The following MEGF9 variants were observed in gnomAD, a reference collection of about 807,000 sequenced individuals.
The protein encoded by MEGF9 is multiple epidermal growth factor-like domains protein 9.
MEGF9 carries 6 observed loss-of-function variants against 46.8 expected under a neutral mutation model. That is an observed-to-expected ratio of 0.13 (90% CI 0.07 to 0.25). The LOEUF (loss-of-function observed/expected upper bound fraction) is 0.25. MEGF9 is among the 10% of genes least tolerant of loss of function. The probability of loss-of-function intolerance (pLI) is 1.00; values close to 1 mark genes in which losing one functional copy is unlikely to be tolerated. For missense variants in MEGF9, 683 were observed against 792.4 expected, an observed-to-expected ratio of 0.86 and a Z score of 1.66; for synonymous variants, 302 against 330.7, an observed-to-expected ratio of 0.91 and a Z score of 0.94.
intron 1 of MEGF9, among the ~76,000 whole-genome samples, chr9:120,687,670 C>CTGTGTG (rs71385077): frequency 0.05 from 7,072 of 141,974 alleles, 204 homozygotes; most frequent in East Asian, 0.08. Flanking sequence ...GAACACAACA[C>CTGTGTG]TGTGTGTGTG....
chr9:120,632,257 A>C (rs2043553774), intron 2 of MEGF9, among the ~76,000 whole-genome samples: 1 of 151,944 alleles, frequency 6.6e-6, no homozygotes. Flanking sequence ...TAAATGTCCT[A>C]ATCAATTTCC....
At chr9:120,610,550 C>G (rs2043440185) in intron 4 of MEGF9, among the ~76,000 whole-genome samples, 1 of 152,196 alleles carries the variant, frequency 6.6e-6, no homozygotes, top group South Asian at 2.1e-4. Context: ...GTCCTTCCTT[C>G]TCCTGTCTAC....
Position 120,602,035 on chromosome 9 carries a change from A to T in MEGF9, c.*3155T>A, listed in dbSNP as rs1281663889. 3 of 152,000 alleles carry T rather than the reference A, an allele frequency of 2.0e-5. No homozygotes were observed. Among genetic ancestry groups the T allele is most frequent in the Non-Finnish European group, 4.4e-5 (3 of 68,010 alleles). 9.4% of individuals were successfully genotyped at this position (152,000 alleles called of 1,614,324 possible). On this transcript the variant is annotated 3_prime_UTR_variant, in exon 6 of 6. Coordinates refer to ENST00000373930, the MANE Select transcript of MEGF9 (RefSeq NM_001080497.3). ...TTTTTCTTCCTTTTTTTTGAGACAGAGTCTTGCTCTGTCGCCCAGGCTGGA... is the reference window on the plus strand; with the variant it reads ...TTTTTCTTCCTTTTTTTTGAGACAGTGTCTTGCTCTGTCGCCCAGGCTGGA...
chr9:120,619,355 A>G (rs1231635553), intron 3 of MEGF9, among the ~76,000 whole-genome samples: 1 of 152,212 alleles, frequency 6.6e-6, no homozygotes, highest in African/African-American at 2.4e-5. Context: ...TTCAGAAAAA[A>G]CAAAACAAAA....
At chr9:120,701,788 T>C (rs958263580) in intron 1 of MEGF9, among the ~76,000 whole-genome samples, 4 of 152,220 alleles carry the variant, frequency 2.6e-5, no homozygotes, top group African/African-American at 9.6e-5. Context: ...CTCACGCCTG[T>C]AATCCTAGCA....
rs773584711 is a variant in MEGF9 at position 120,713,870 on chromosome 9, G to A, written c.489C>T (p.Thr163=). The A allele has an allele frequency of 1.5e-6, 2 of 1,303,336 alleles. No individual in the cohort carries two copies. The highest frequency in any genetic ancestry group is 3.0e-5 in the Admixed American group (1 of 32,808). 80.7% of individuals were successfully genotyped at this position (1,303,336 alleles called of 1,614,324 possible). Residue 163 remains threonine, a synonymous_variant, in exon 1 of 6, where the codon ACC becomes ACT. Coordinates refer to ENST00000373930, the MANE Select transcript of MEGF9 (RefSeq NM_001080497.3). ...TCCGGGGAGTCGTGGGCGCCGGTAC[G>A]GTGGTCGCTACAGGGGTGGTCGGCG... The part of the protein sequence containing the change: ...GPAPTTPVAT[T]VPAPTTPRTP...
chr9:120,630,479 A>C (rs180895558), intron 2 of MEGF9, among the ~76,000 whole-genome samples: 4 of 152,314 alleles, frequency 2.6e-5, no homozygotes, highest in Non-Finnish European at 4.4e-5. Flanking sequence ...ATGGGCATGC[A>C]AATATCTCTT....
chr9:120,639,263 C>T (rs1011709028), intron 2 of MEGF9, among the ~76,000 whole-genome samples: 2 of 151,956 alleles, frequency 1.3e-5, no homozygotes, highest in Admixed American at 6.6e-5. Context: ...AATCCCAGCA[C>T]TCTGGGAGGC....
At chr9:120,689,750 A>C (rs1332518480) in intron 1 of MEGF9, among the ~76,000 whole-genome samples, 2 of 152,168 alleles carry the variant, frequency 1.3e-5, no homozygotes, top group African/African-American at 4.8e-5. Flanking sequence ...AGGTAGGAAA[A>C]TTGTATAAAA....
chr9:120,639,930 C>T (rs1013076928), intron 2 of MEGF9, among the ~76,000 whole-genome samples: 6 of 152,114 alleles, frequency 3.9e-5, no homozygotes, highest in African/African-American at 1.4e-4. Context: ...ATTGATAAAT[C>T]CACCCTTTAT....
intron 1 of MEGF9, among the ~76,000 whole-genome samples, chr9:120,677,221 T>C (rs112818539): frequency 0.045 from 6,784 of 152,064 alleles, 504 homozygotes; most frequent in African/African-American, 0.15. Flanking sequence ...CTCAACCTCC[T>C]TGCCTCAGGT....
At chr9:120,609,056 A>G (rs1166522000) in intron 4 of MEGF9, among the ~76,000 whole-genome samples, 1 of 151,874 alleles carries the variant, frequency 6.6e-6, no homozygotes, top group Non-Finnish European at 1.5e-5. Context: ...CTCTAGAGAA[A>G]TCTCTTCAAT....
At chr9:120,638,152 C>T (rs1169859328) in intron 2 of MEGF9, among the ~76,000 whole-genome samples, 3 of 152,092 alleles carry the variant, frequency 2.0e-5, no homozygotes, top group Non-Finnish European at 2.9e-5. Flanking sequence ...CGCTGCCACA[C>T]GTGGCTAATG....
At chr9:120,666,954 G>T (rs1219128252) in intron 1 of MEGF9, among the ~76,000 whole-genome samples, 1 of 152,122 alleles carries the variant, frequency 6.6e-6, no homozygotes, top group Admixed American at 6.5e-5. Flanking sequence ...CTACAAAGGA[G>T]CAATACAGGG....
At chr9:120,667,948 C>G (rs182673230) in intron 1 of MEGF9, among the ~76,000 whole-genome samples, 1 of 152,280 alleles carries the variant, frequency 6.6e-6, no homozygotes, top group Non-Finnish European at 1.5e-5. Flanking sequence ...TCGCTTAAAC[C>G]TGGGAGGCAG....
intron 4 of MEGF9, among the ~76,000 whole-genome samples, chr9:120,610,005 G>A (rs2043438307): frequency 6.7e-6 from 1 of 149,774 alleles, no homozygotes; most frequent in South Asian, 2.1e-4. Flanking sequence ...GTGTGCAACT[G>A]ATAAAGAATT....
chr9:120,626,478 TAAA>T (rs1169182623), intron 2 of MEGF9, among the ~76,000 whole-genome samples: 1 of 152,248 alleles, frequency 6.6e-6, no homozygotes, highest in Non-Finnish European at 1.5e-5. Context: ...TGTATATAAA[TAAA>T]AACATATTTT....
At chr9:120,629,632 C>T (rs969380361) in intron 2 of MEGF9, among the ~76,000 whole-genome samples, 4 of 151,388 alleles carry the variant, frequency 2.6e-5, no homozygotes, top group African/African-American at 7.3e-5. Context: ...CAGAGTGAGA[C>T]AGTCCCCAAA....
chr9:120,608,124 TG>T, intron 4 of MEGF9, 114 bp from the exon 5 acceptor site: 1 of 1,220,964 alleles, frequency 8.2e-7, no homozygotes, highest in Non-Finnish European at 1.1e-6. Context: ...GAGGCCAAGG[TG>T]GAAGGATCGC....
Sources: allele counts gnomAD v4.1 joint callset (sites outside exome capture counted in the v4.1 genomes callset), GRCh38; gene constraint gnomAD v4.1.1; transcripts MANE v1.5; gene names NCBI Gene and HGNC (gene_info 2026-07-23, HGNC 2026-07-21).